KIF21A: variants seen among roughly 807,000 people sequenced by gnomAD.
KIF21A encodes the protein kinesin family member 21A, also known as kinesin-like protein KIF21A.
Under a neutral mutation model 202.9 loss-of-function variants are expected in KIF21A, and 114 were observed. The ratio of observed to expected loss-of-function variants is 0.56; its 90% CI spans 0.48 to 0.66. The LOEUF is 0.66. Among genes scored for constraint, KIF21A ranks in the 30% least tolerant of loss-of-function variants. The pLI is 0.00. For missense variants in KIF21A, 1,677 were observed against 1,994.9 expected, an observed-to-expected ratio of 0.84 and a Z score of 3.04; for synonymous variants, 667 against 670.8, an observed-to-expected ratio of 0.99 and a Z score of 0.09.
chr12:39,414,746 A>G (rs1324420736), intron 1 of KIF21A, among the ~76,000 whole-genome samples: 1 of 152,124 alleles, frequency 6.6e-6, no homozygotes, highest in East Asian at 1.9e-4. Flanking sequence ...AATCACAAAG[A>G]TTTACTTTGA....
At chr12:39,333,156 A>G (rs1946652361) in intron 18 of KIF21A, 49 bp from the exon 19 acceptor site, 11 of 1,605,858 alleles carry the variant, frequency 6.8e-6, no homozygotes, top group Non-Finnish European at 9.4e-6. Context: ...ATAGAAATAC[A>G]TCATTTATCT....
At chr12:39,334,420 A>G (rs187016953) in intron 17 of KIF21A, among the ~76,000 whole-genome samples, 85 of 152,256 alleles carry the variant, frequency 5.6e-4, no homozygotes, top group African/African-American at 2.0e-3. Flanking sequence ...CAGATCATTC[A>G]TTTTATGTTT....
intron 26 of KIF21A, among the ~76,000 whole-genome samples, chr12:39,323,576 C>T (rs915552665): frequency 6.6e-6 from 1 of 152,144 alleles, no homozygotes; most frequent in Non-Finnish European, 1.5e-5. Context: ...AATCTAAACT[C>T]ACTATAAGCA....
chr12:39,326,186 G>T, intron 25 of KIF21A, 78 bp downstream of exon 25: 1 of 1,090,574 alleles, frequency 9.2e-7, no homozygotes, highest in Non-Finnish European at 1.4e-6. Flanking sequence ...TCTGTTTTAT[G>T]GTAATTGTTT....
chr12:39,316,541 T>C (rs1167249975), intron 29 of KIF21A, among the ~76,000 whole-genome samples: 1 of 152,206 alleles, frequency 6.6e-6, no homozygotes, highest in Non-Finnish European at 1.5e-5. Flanking sequence ...GGTACTTTAG[T>C]GGGCTTTTAG....
chr12:39,377,335 T>C (rs1379208556), intron 1 of KIF21A, among the ~76,000 whole-genome samples: 1 of 152,194 alleles, frequency 6.6e-6, no homozygotes, highest in African/African-American at 2.4e-5. Context: ...AATTATTTCT[T>C]ACTAAATTCC....
intron 1 of KIF21A, among the ~76,000 whole-genome samples, chr12:39,414,238 C>T (rs1450250865): frequency 6.6e-6 from 1 of 152,082 alleles, no homozygotes; most frequent in African/African-American, 2.4e-5. Context: ...ATGTTTTACC[C>T]AATTGTCCTT....
At chr12:39,411,884 G>T (rs1008162545) in intron 1 of KIF21A, among the ~76,000 whole-genome samples, 1 of 152,010 alleles carries the variant, frequency 6.6e-6, no homozygotes, top group Non-Finnish European at 1.5e-5. Flanking sequence ...ACCCAGGCTG[G>T]AGTGCATTGC....
intron 1 of KIF21A, among the ~76,000 whole-genome samples, chr12:39,421,132 G>A (rs1263806051): frequency 6.6e-6 from 1 of 152,152 alleles, no homozygotes; most frequent in Non-Finnish European, 1.5e-5. Flanking sequence ...GATCTGTTTA[G>A]ATACACAAAT....
chr12:39,435,183 G>A (rs578254798), intron 1 of KIF21A, among the ~76,000 whole-genome samples: 59 of 152,264 alleles, frequency 3.9e-4, no homozygotes, highest in Non-Finnish European at 6.3e-4. Context: ...TACTGAAGAA[G>A]CAGATGGATG....
intron 1 of KIF21A, among the ~76,000 whole-genome samples, chr12:39,395,526 C>G (rs1438670150): frequency 6.6e-6 from 1 of 152,146 alleles, no homozygotes; most frequent in Non-Finnish European, 1.5e-5. Context: ...ACGACCATAA[C>G]CTATGTCCTC....
intron 1 of KIF21A, among the ~76,000 whole-genome samples, chr12:39,415,557 G>T (rs1207823488): frequency 6.6e-6 from 1 of 152,080 alleles, no homozygotes; most frequent in Non-Finnish European, 1.5e-5. Context: ...GCGCCCGGCC[G>T]AGAATGCTTC....
chr12:39,311,527 G>A lies in KIF21A; in HGVS notation c.3986C>T (p.Ser1329Leu). The A allele has an allele frequency of 6.2e-7, 1 of 1,613,074 alleles. No individual in the cohort carries two copies. Among genetic ancestry groups the A allele is most frequent in the African/African-American group, 1.3e-5 (1 of 74,996 alleles). The change falls in exon 32 of 38, where the codon TCA becomes TTA. Residue 1329 changes from serine to leucine, a missense_variant. Ser to Leu is a moderately radical substitution (Grantham distance 145, BLOSUM62 -2). Transcript: ENST00000361418. ...RRGIINPFPASKGIRAFPLQC... is the reference protein window; with the variant it reads ...RRGIINPFPALKGIRAFPLQC... ...AAGTGGAAAAGCTCTGATTCCTTTT[G>A]AAGCAGGAAATGGGTTGATTATGCC... is the stretch of plus-strand genomic sequence containing the variant.
intron 16 of KIF21A, among the ~76,000 whole-genome samples, chr12:39,339,760 G>A (rs929437481): frequency 1.3e-5 from 2 of 151,506 alleles, no homozygotes; most frequent in Admixed American, 1.3e-4. Context: ...TTGGAGAATG[G>A]GGAATATGAT....
chr12:39,391,290 A>C (rs1201482291), intron 1 of KIF21A, among the ~76,000 whole-genome samples: 1 of 151,618 alleles, frequency 6.6e-6, no homozygotes, highest in African/African-American at 2.4e-5. Context: ...TGGATACTGA[A>C]GGATTCAATA....
intron 22 of KIF21A, 86 bp downstream of exon 22, chr12:39,331,599 ACAAAG>A (rs1387529319): frequency 1.2e-6 from 1 of 866,056 alleles, no homozygotes; most frequent in Non-Finnish European, 2.0e-6. Flanking sequence ...CTTCCTTATT[ACAAAG>A]CAAAGGGTTA....
At chr12:39,398,996 G>C (rs1202974587) in intron 1 of KIF21A, among the ~76,000 whole-genome samples, 1 of 152,138 alleles carries the variant, frequency 6.6e-6, no homozygotes, top group East Asian at 1.9e-4. Flanking sequence ...GGCTGAGGCA[G>C]GAGAATCACT....
intron 1 of KIF21A, among the ~76,000 whole-genome samples, chr12:39,435,151 AT>A (rs1004430418): frequency 1.2e-4 from 18 of 152,184 alleles, no homozygotes; most frequent in African/African-American, 4.3e-4. Context: ...AAGTTTGAAC[AT>A]TTTTCTTGGT....
At chr12:39,339,932 A>G (rs183331883) in intron 16 of KIF21A, among the ~76,000 whole-genome samples, 4 of 152,314 alleles carry the variant, frequency 2.6e-5, no homozygotes. Context: ...AGAAATACCT[A>G]TCAATGTCTA....
Sources: gnomAD v4.1 joint callset for allele counts (sites outside exome capture counted in the v4.1 genomes callset) on GRCh38, gnomAD v4.1.1 for gene constraint, MANE v1.5 for transcripts, NCBI Gene and HGNC (gene_info 2026-07-23, HGNC 2026-07-21) for gene names.